Variants in MAGI1 observed in about 807,000 individuals in gnomAD.
The protein encoded by MAGI1 is membrane-associated guanylate kinase, WW and PDZ domain-containing protein 1.
In MAGI1, 58 loss-of-function variants were observed where a neutral mutation model predicts 139.9. That is an observed-to-expected ratio of 0.41 (90% CI 0.34 to 0.52). The LOEUF is 0.52. MAGI1 is among the 20% of genes least tolerant of loss of function. The pLI, the probability that MAGI1 is intolerant of heterozygous loss-of-function variation, is 0.12. For missense variants in MAGI1, 1,874 were observed against 1,901.6 expected (o/e 0.99, Z 0.27); for synonymous variants, 812 against 737.9 (o/e 1.10, Z -1.63).
At chr3:65,701,442 G>C (rs550739205) in intron 1 of MAGI1, among the ~76,000 whole-genome samples, 2 of 152,074 alleles carry the variant, frequency 1.3e-5, no homozygotes, top group East Asian at 3.9e-4. Context: ...TAGTAGAGAC[G>C]GGGTTTCGCC....
At chr3:65,701,494 C>A (rs942673204) in intron 1 of MAGI1, among the ~76,000 whole-genome samples, 1 of 152,196 alleles carries the variant, frequency 6.6e-6, no homozygotes, top group Non-Finnish European at 1.5e-5. Flanking sequence ...CTCAAGTGAT[C>A]CGCCTGCCTC....
In MAGI1 at chr3:65,717,617, A is replaced by G. The variant is rs557689560; in HGVS notation, c.314-95529T>C. Reference sequence around the variant, plus strand: ...CAAATATATGTGCCTAGAAACTGATATAACACTGAGGACAACATAAAAACG... The same window carrying G: ...CAAATATATGTGCCTAGAAACTGATGTAACACTGAGGACAACATAAAAACG... On this transcript the variant is annotated intron_variant, in intron 1 of 22. Coordinates refer to ENST00000402939, the MANE Select transcript of MAGI1 (RefSeq NM_001033057.2). The G allele has an allele frequency of 9.2e-5, 14 of 152,354 alleles. No individual in the cohort carries two copies. In the East Asian group the frequency reaches 2.5e-3, roughly 27 times the overall value. The allele number at this position is 152,354 out of a possible 1,614,324, so 9.4% of individuals were successfully genotyped here.
intron 1 of MAGI1, among the ~76,000 whole-genome samples, chr3:65,950,091 A>AAAAAAAAAAAAACC (rs2063751123): frequency 2.4e-5 from 1 of 41,424 alleles, no homozygotes; most frequent in Non-Finnish European, 6.0e-5. Context: ...AAAAAAAAAC[A>AAAAAAAAAAAAACC]AACAAAAAAA....
chr3:66,007,316 ATGAC>A lies in MAGI1; in HGVS notation c.313+30676_313+30679del, dbSNP rs2067077010. Among the ~76,000 whole-genome samples the A allele has an allele frequency of 2.6e-5, 4 of 152,330 alleles. No individual in the cohort carries two copies. In the South Asian group the frequency reaches 8.3e-4, roughly 32 times the overall value. Reference sequence around the variant, plus strand: ...GCCCCACGGCGATCCTATCTTCCCAATGACACACTGTCTCTTTTCCTATATCATT... The same window carrying A: ...GCCCCACGGCGATCCTATCTTCCCAAACACTGTCTCTTTTCCTATATCATT... On this transcript the variant is annotated intron_variant, in intron 1 of 22. Coordinates refer to ENST00000402939, the MANE Select transcript of MAGI1 (RefSeq NM_001033057.2).
intron 3 of MAGI1, among the ~76,000 whole-genome samples, chr3:65,486,401 C>T (rs193002580): frequency 6.6e-6 from 1 of 152,294 alleles, no homozygotes; most frequent in African/African-American, 2.4e-5. Flanking sequence ...AATAGTTCAT[C>T]CCTTGTAAAC....
chr3:65,732,214 T>C (rs1374897673), intron 1 of MAGI1, among the ~76,000 whole-genome samples: 2 of 152,208 alleles, frequency 1.3e-5, no homozygotes, highest in Admixed American at 1.3e-4. Flanking sequence ...GTCTGTGTGC[T>C]AGGATTGCAG....
intron 1 of MAGI1, among the ~76,000 whole-genome samples, chr3:65,653,503 G>A (rs1559757118): frequency 6.6e-6 from 1 of 152,090 alleles, no homozygotes; most frequent in East Asian, 1.9e-4. Flanking sequence ...CATGGATGTG[G>A]GGCACAGAAC....
At chr3:65,925,854 A>G (rs1385693055) in intron 1 of MAGI1, among the ~76,000 whole-genome samples, 1 of 151,982 alleles carries the variant, frequency 6.6e-6, no homozygotes, top group African/African-American at 2.4e-5. Context: ...CAATTTTTGT[A>G]TTTTTTGTAG....
At chr3:65,482,103 T>C (rs1470096169) in intron 3 of MAGI1, among the ~76,000 whole-genome samples, 3 of 152,208 alleles carry the variant, frequency 2.0e-5, no homozygotes, top group South Asian at 2.1e-4. Context: ...CTGCAGAGCC[T>C]TGGCACACCA....
intron 2 of MAGI1, among the ~76,000 whole-genome samples, chr3:65,546,456 A>C (rs1314758163): frequency 6.6e-6 from 1 of 152,102 alleles, no homozygotes; most frequent in Non-Finnish European, 1.5e-5. Context: ...GGCTTGCAGC[A>C]CCCTCTTCTT....
intron 1 of MAGI1, among the ~76,000 whole-genome samples, chr3:65,845,555 C>T (rs1268449963): frequency 2.6e-5 from 4 of 152,184 alleles, no homozygotes; most frequent in African/African-American, 4.8e-5. Context: ...TTTCATCATC[C>T]AATGCATCAG....
intron 1 of MAGI1, among the ~76,000 whole-genome samples, chr3:65,920,753 G>A (rs956666972): frequency 6.6e-6 from 1 of 152,168 alleles, no homozygotes; most frequent in African/African-American, 2.4e-5. Flanking sequence ...CAAAATGGCA[G>A]GGCGCAGTGG....
chr3:65,568,866 A>T (rs894343154), intron 2 of MAGI1, among the ~76,000 whole-genome samples: 1 of 152,192 alleles, frequency 6.6e-6, no homozygotes, highest in Non-Finnish European at 1.5e-5. Flanking sequence ...GCATTTCCAA[A>T]GTTTCTATGA....
At chr3:65,692,121 A>G (rs78240469) in intron 1 of MAGI1, among the ~76,000 whole-genome samples, 7 of 152,214 alleles carry the variant, frequency 4.6e-5, no homozygotes, top group Admixed American at 1.3e-4. Context: ...TAAAAAAAAA[A>G]TGTGATCTGG....
chr3:65,866,391 A>G (rs923886512), intron 1 of MAGI1, among the ~76,000 whole-genome samples: 3 of 150,714 alleles, frequency 2.0e-5, no homozygotes, highest in Non-Finnish European at 4.4e-5. Flanking sequence ...TTAAGAGGGG[A>G]AAAAAAGCAG....
chr3:65,806,161 T>C (rs1227247415), intron 1 of MAGI1, among the ~76,000 whole-genome samples: 1 of 152,070 alleles, frequency 6.6e-6, no homozygotes, highest in Admixed American at 6.6e-5. Flanking sequence ...CCAGGCACGG[T>C]GGCTCATGCC....
intron 1 of MAGI1, among the ~76,000 whole-genome samples, chr3:65,732,247 A>G (rs1194036584): frequency 6.6e-6 from 1 of 152,190 alleles, no homozygotes; most frequent in Non-Finnish European, 1.5e-5. Context: ...GCACTTAGGT[A>G]AAACACACAG....
intron 1 of MAGI1, among the ~76,000 whole-genome samples, chr3:65,865,310 A>C (rs1050779541): frequency 6.6e-6 from 1 of 152,202 alleles, no homozygotes; most frequent in African/African-American, 2.4e-5. Flanking sequence ...ACTTCAAAAA[A>C]AAAGCACTGA....
At chr3:65,463,171 G>T (rs1238050532) in intron 5 of MAGI1, among the ~76,000 whole-genome samples, 1 of 152,108 alleles carries the variant, frequency 6.6e-6, no homozygotes, top group Non-Finnish European at 1.5e-5. Context: ...GGGTATCCTT[G>T]TCTTGTGCCA....
Sources: gnomAD v4.1 joint callset for allele counts (sites outside exome capture counted in the v4.1 genomes callset) on GRCh38, gnomAD v4.1.1 for gene constraint, MANE v1.5 for transcripts, NCBI Gene and HGNC (gene_info 2026-07-23, HGNC 2026-07-21) for gene names.